The following ATP10B variants were observed in gnomAD, a reference collection of about 807,000 sequenced individuals.
The protein encoded by ATP10B is phospholipid-transporting ATPase VB.
Under a neutral mutation model 141.2 loss-of-function variants are expected in ATP10B, and 122 were observed. That is an observed-to-expected ratio of 0.86 (90% CI 0.75 to 1.00). The LOEUF (loss-of-function observed/expected upper bound fraction) is 1.00, where lower values mean the gene tolerates loss of function less well. Ranked by LOEUF, ATP10B falls within the 50% of genes least tolerant of loss-of-function variation. The pLI, the probability that ATP10B is intolerant of heterozygous loss-of-function variation, is 0.00. For missense variants in ATP10B, 1,876 were observed against 1,825.3 expected (o/e 1.03, Z -0.51); for synonymous variants, 685 against 692.0 (o/e 0.99, Z 0.16).
intron 14 of ATP10B, among the ~76,000 whole-genome samples, chr5:160,621,520 G>A (rs1758350558): frequency 6.6e-6 from 1 of 152,182 alleles, no homozygotes. Context: ...TCTTAAAAAT[G>A]AATTAATTTT....
At chr5:160,688,668 C>T (rs1303957368) in intron 4 of ATP10B, 92 bp downstream of exon 4, 1 of 668,300 alleles carries the variant, frequency 1.5e-6, no homozygotes, top group Non-Finnish European at 1.8e-6. Context: ...TATATTGGGA[C>T]ACATCTTAAA....
chr5:160,733,992 C>G (rs1766933508), intron 2 of ATP10B, among the ~76,000 whole-genome samples: 1 of 150,152 alleles, frequency 6.7e-6, no homozygotes, highest in Non-Finnish European at 1.5e-5. Context: ...CCTGTAGTCC[C>G]AGCTATTCAG....
chr5:160,755,546 T>C (rs1179556347), intron 2 of ATP10B, among the ~76,000 whole-genome samples: 4 of 150,982 alleles, frequency 2.6e-5, no homozygotes, highest in East Asian at 1.9e-4. Flanking sequence ...CCGGGCGCGG[T>C]GGCTCACGCC....
At chr5:160,832,529 A>G (rs1353363436) in intron 1 of ATP10B, among the ~76,000 whole-genome samples, 1 of 152,134 alleles carries the variant, frequency 6.6e-6, no homozygotes, top group Non-Finnish European at 1.5e-5. Flanking sequence ...AAATGAATGA[A>G]TAAGGGTGTG....
chr5:160,830,754 A>G (rs1396700514), intron 1 of ATP10B, among the ~76,000 whole-genome samples: 1 of 152,016 alleles, frequency 6.6e-6, no homozygotes, highest in Non-Finnish European at 1.5e-5. Flanking sequence ...GAAGCTCTAG[A>G]GTAGAAATGA....
intron 14 of ATP10B, among the ~76,000 whole-genome samples, chr5:160,621,358 T>C (rs1461860538): frequency 2.0e-5 from 3 of 151,178 alleles, no homozygotes; most frequent in Non-Finnish European, 4.4e-5. Flanking sequence ...GTGTAGGGAG[T>C]AGAGTTGGAA....
At position 160,649,244 on chromosome 5, in the gene ATP10B, C is replaced by T. The variant is rs201514961; in HGVS notation, c.688G>A (p.Glu230Lys). 130 of 1,613,464 alleles carry T rather than the reference C, an allele frequency of 8.1e-5. No homozygotes were observed. Among genetic ancestry groups the T allele is most frequent in the Middle Eastern group, 3.3e-4 (2 of 6,080 alleles). ...KGFSQQEVQF[E>K]PELFHNTIVC... ...ATGGTATTGTGGAAAAGCTCTGGTT[C>T]GAACTGTACCTCCTGTGAGAGAGAG... The change falls in exon 8 of 26, where the codon GAA becomes AAA. Residue 230 changes from glutamate to lysine, a missense_variant. Transcript: ENST00000327245.
chr5:160,720,409 T>G (rs1452087114), intron 2 of ATP10B, among the ~76,000 whole-genome samples: 2 of 152,208 alleles, frequency 1.3e-5, no homozygotes, highest in East Asian at 1.9e-4. Context: ...AACACTGGCT[T>G]TCTTTCCTGG....
At chr5:160,853,370 G>A (rs944170425), upstream of ATP10B, among the ~76,000 whole-genome samples, 1 of 152,140 alleles carries the variant, frequency 6.6e-6, no homozygotes, top group Non-Finnish European at 1.5e-5. Flanking sequence ...TGGGTAACTG[G>A]AGGTTATTTA....
At chr5:160,927,053 C>T in the ATP10B span, among the ~76,000 whole-genome samples, 48 of 152,170 alleles carry the variant, frequency 3.2e-4, no homozygotes, top group Non-Finnish European at 5.7e-4. Context: ...AGTTATTATT[C>T]CATTTTACAG....
chr5:160,727,072 G>T (rs1053339997), intron 2 of ATP10B, among the ~76,000 whole-genome samples: 1 of 152,136 alleles, frequency 6.6e-6, no homozygotes, highest in Non-Finnish European at 1.5e-5. Context: ...TGACCACCTT[G>T]GGCACATGTC....
the ATP10B span, among the ~76,000 whole-genome samples, chr5:160,927,674 C>A: frequency 1.1e-3 from 168 of 152,264 alleles, no homozygotes; most frequent in African/African-American, 3.9e-3. Flanking sequence ...TTAGGCAAGC[C>A]CCTGCTATTA....
chr5:160,914,549 G>GT, the ATP10B span, among the ~76,000 whole-genome samples: 1 of 151,994 alleles, frequency 6.6e-6, no homozygotes, highest in Non-Finnish European at 1.5e-5. Context: ...TATGCTATTG[G>GT]TTTTTTTGTA....
At chr5:160,838,427 T>C (rs1775598003) in intron 1 of ATP10B, among the ~76,000 whole-genome samples, 1 of 152,164 alleles carries the variant, frequency 6.6e-6, no homozygotes, top group Non-Finnish European at 1.5e-5. Context: ...GCATCTTGAG[T>C]GCCAAATCCC....
At chr5:160,704,187 G>C (rs754267267) in intron 3 of ATP10B, among the ~76,000 whole-genome samples, 1 of 152,044 alleles carries the variant, frequency 6.6e-6, no homozygotes, top group Non-Finnish European at 1.5e-5. Flanking sequence ...TAGTAACTGG[G>C]ACTACAGATG....
intron 17 of ATP10B, 111 bp from the exon 18 acceptor site, chr5:160,613,036 T>C: frequency 9.5e-7 from 1 of 1,054,986 alleles, no homozygotes; most frequent in Non-Finnish European, 1.4e-6. Context: ...ATCACTGTGC[T>C]AGGCTGTGTA....
chr5:160,787,122 A>ACACACACAC (rs1561853055), intron 1 of ATP10B, among the ~76,000 whole-genome samples: 1 of 124,822 alleles, frequency 8.0e-6, no homozygotes, highest in African/African-American at 2.7e-5. Context: ...ACACACACAC[A>ACACACACAC]CACACACACA....
chr5:160,880,110 A>G, the ATP10B span, among the ~76,000 whole-genome samples: 1 of 149,044 alleles, frequency 6.7e-6, no homozygotes, highest in South Asian at 2.1e-4. Context: ...CTATTATAAA[A>G]GAAATTATGT....
intron 18 of ATP10B, among the ~76,000 whole-genome samples, chr5:160,608,838 G>C (rs1280674293): frequency 1.3e-5 from 2 of 152,120 alleles, no homozygotes; most frequent in Non-Finnish European, 2.9e-5. Flanking sequence ...TTAGCCCTTT[G>C]TCAGATGGGT....
Sources: allele counts gnomAD v4.1 joint callset (sites outside exome capture counted in the v4.1 genomes callset), GRCh38; gene constraint gnomAD v4.1.1; transcripts MANE v1.5; gene names NCBI Gene and HGNC (gene_info 2026-07-23, HGNC 2026-07-21).